The following CYP4F22 variants were observed in gnomAD, a reference collection of about 807,000 sequenced individuals.
CYP4F22 encodes cytochrome P450 family 4 subfamily F member 22.
CYP4F22 carries 37 observed loss-of-function variants against 60.4 expected under a neutral mutation model. That is an observed-to-expected ratio of 0.61 (90% CI 0.47 to 0.81). The LOEUF is 0.81. Among genes scored for constraint, CYP4F22 ranks in the 30% least tolerant of loss-of-function variants. The probability of loss-of-function intolerance (pLI) is 0.00; values close to 1 mark genes in which losing one functional copy is unlikely to be tolerated. For synonymous variants in CYP4F22, 258 were observed against 280.5 expected, an observed-to-expected ratio of 0.92 and a Z score of 0.80; for missense variants, 655 against 715.0, an observed-to-expected ratio of 0.92 and a Z score of 0.96.
At chr19:15,539,702 A>G (rs1254308734) in intron 7 of CYP4F22, among the ~76,000 whole-genome samples, 1 of 152,202 alleles carries the variant, frequency 6.6e-6, no homozygotes, top group African/African-American at 2.4e-5. Context: ...GTTTTTCCAC[A>G]TACTCACTAA....
chr19:15,547,018 G>GTTTTGTTTTTTTTTTTTT (rs1555730099), intron 10 of CYP4F22, among the ~76,000 whole-genome samples: 4 of 82,312 alleles, frequency 4.9e-5, no homozygotes, highest in African/African-American at 2.3e-4. Flanking sequence ...GCCTGCACCA[G>GTTTTGTTTTTTTTTTTTT]TTTTTTTTTT....
chr19:15,532,679 GTC>G (rs200963303), intron 4 of CYP4F22, among the ~76,000 whole-genome samples: 2,498 of 151,590 alleles, frequency 0.016, 34 homozygotes, highest in African/African-American at 0.032. Flanking sequence ...ACAGCGCCTG[GTC>G]TCTCTTTTTT....
intron 1 of CYP4F22, among the ~76,000 whole-genome samples, chr19:15,522,005 C>A (rs1333542304): frequency 5.3e-5 from 8 of 152,006 alleles, no homozygotes; most frequent in Non-Finnish European, 1.2e-4. Context: ...ATTAGCCCAG[C>A]ATGGTGGCGG....
Position 15,509,904 on chromosome 19 carries a change from C to CTTTCTTTCTTT in CYP4F22, c.-109+1321_-109+1322insTTTCTTTCTTT, listed in dbSNP as rs1555725971. ...TCCTTCCTTCCTTCCTTCCTTCCTTCCTTTCTTTCTTTCCTTCCTTCTTTC... is the reference window on the plus strand; with the variant it reads ...TCCTTCCTTCCTTCCTTCCTTCCTTCTTTCTTTCTTTCTTTCTTTCTTTCCTTCCTTCTTTC... On this transcript the variant is annotated intron_variant, in intron 1 of 13. Transcript: ENST00000269703. 4.2e-3 allele frequency among the ~76,000 whole-genome samples: 361 copies of CTTTCTTTCTTT among 86,752 alleles called. 5 individuals are homozygous for CTTTCTTTCTTT. The highest frequency in any genetic ancestry group is 0.012 in the Middle Eastern group (2 of 162). The allele number at this position is 86,752 out of a possible 152,430, so 56.9% of individuals were successfully genotyped here.
intron 1 of CYP4F22, among the ~76,000 whole-genome samples, chr19:15,520,354 A>C (rs1194294229): frequency 6.7e-6 from 1 of 149,752 alleles, no homozygotes; most frequent in Non-Finnish European, 1.5e-5. Flanking sequence ...TCAAAAAAAA[A>C]AAAAAAACAA....
At chr19:15,523,174 G>T (rs1334975938) in intron 1 of CYP4F22, among the ~76,000 whole-genome samples, 1 of 148,468 alleles carries the variant, frequency 6.7e-6, no homozygotes, top group Non-Finnish European at 1.5e-5. Context: ...GGCCAACATG[G>T]TGAAACCCCG....
intron 1 of CYP4F22, among the ~76,000 whole-genome samples, chr19:15,514,470 G>A (rs1490274062): frequency 6.6e-6 from 1 of 152,076 alleles, no homozygotes; most frequent in East Asian, 1.9e-4. Flanking sequence ...GGTGGATCAC[G>A]AGGTCAGGAG....
intron 4 of CYP4F22, among the ~76,000 whole-genome samples, chr19:15,537,152 T>G (rs747756339): frequency 2.6e-5 from 4 of 151,940 alleles, no homozygotes; most frequent in Non-Finnish European, 5.9e-5. Context: ...TACAAACAAA[T>G]TAGCCGGGCA....
intron 1 of CYP4F22, among the ~76,000 whole-genome samples, chr19:15,509,905 CTTTCTTTCT>C (rs1568350836): frequency 1.2e-5 from 1 of 85,400 alleles, no homozygotes; most frequent in Admixed American, 1.3e-4. Context: ...TCCTTCCTTC[CTTTCTTTCT>C]TTCCTTCCTT....
chr19:15,519,726 C>T (rs1216107752), intron 1 of CYP4F22, among the ~76,000 whole-genome samples: 1 of 152,100 alleles, frequency 6.6e-6, no homozygotes, highest in Non-Finnish European at 1.5e-5. Flanking sequence ...TGGGACTGAA[C>T]TGCAGCCAGG....
At chr19:15,541,997 G>A (rs1029838780) in intron 8 of CYP4F22, among the ~76,000 whole-genome samples, 2 of 152,086 alleles carry the variant, frequency 1.3e-5, no homozygotes, top group Admixed American at 1.3e-4. Flanking sequence ...TCCAGTCCTG[G>A]CTCTGTCGCT....
intron 10 of CYP4F22, among the ~76,000 whole-genome samples, chr19:15,545,667 A>AAAAAG (rs1396510999): frequency 9.9e-5 from 5 of 50,396 alleles, no homozygotes; most frequent in Admixed American, 1.7e-4. Context: ...AAAAAAAAAA[A>AAAAAG]AAAAGAAAAG....
chr19:15,510,962 A>AT lies in CYP4F22; in HGVS notation c.-109+2380dup, dbSNP rs1386770988. The stretch of plus-strand genomic sequence containing the variant: ...AGGGATACCATATATATATATATAT[A>AT]TATATTTTTTTTTTTTTTTTTGAGA... On this transcript the variant is annotated intron_variant, in intron 1 of 13. Transcript: ENST00000269703. Among the ~76,000 whole-genome samples, 414 of 114,518 alleles carry AT rather than the reference A, an allele frequency of 3.6e-3. 7 individuals carry two copies. Among genetic ancestry groups the AT allele is most frequent in the African/African-American group, 0.016 (397 of 24,788 alleles). The allele number at this position is 114,518 out of a possible 152,430, so 75.1% of individuals were successfully genotyped here. A position where few individuals can be genotyped will look rare whatever the true frequency, so the allele number is the denominator to read the frequency against.
intron 4 of CYP4F22, among the ~76,000 whole-genome samples, chr19:15,535,810 T>G (rs904446799): frequency 6.6e-6 from 1 of 152,230 alleles, no homozygotes; most frequent in African/African-American, 2.4e-5. Context: ...ATTGACTTAT[T>G]TATTCATTTA....
chr19:15,551,208 G>T, intron 13 of CYP4F22, 86 bp from the exon 14 acceptor site: 1 of 1,531,036 alleles, frequency 6.5e-7, no homozygotes, highest in African/African-American at 1.4e-5. Context: ...CAGGATGCTT[G>T]CTTCATTTTC....
intron 12 of CYP4F22, among the ~76,000 whole-genome samples, chr19:15,550,211 G>T (rs988058164): frequency 6.6e-6 from 1 of 151,998 alleles, no homozygotes; most frequent in Non-Finnish European, 1.5e-5. Flanking sequence ...GATTACAAGC[G>T]TGAGCCACCG....
At chr19:15,529,996 G>A (rs1364544224) in intron 4 of CYP4F22, 143 bp downstream of exon 4, 6 of 1,193,926 alleles carry the variant, frequency 5.0e-6, no homozygotes, top group South Asian at 1.3e-5. Flanking sequence ...AAGCAAGCAT[G>A]GCAATCCAGA....
At chr19:15,510,501 G>A (rs549107875) in intron 1 of CYP4F22, among the ~76,000 whole-genome samples, 2 of 152,260 alleles carry the variant, frequency 1.3e-5, no homozygotes, top group South Asian at 2.1e-4. Flanking sequence ...ACACTCACCC[G>A]AGGTCGCACA....
chr19:15,552,234 G>A lies in CYP4F22; in HGVS notation c.*763G>A, dbSNP rs1218132146. The stretch of plus-strand genomic sequence containing the variant: ...CGTGGAGCCCCCAGCATGGGAATGA[G>A]GGGCTCTGCAACTGAGCGAAGCTGC... On this transcript the variant is annotated 3_prime_UTR_variant, in exon 14 of 14. Transcript: ENST00000269703. 6.6e-6 allele frequency: 1 copy of A among 152,254 alleles called. No homozygotes were observed. Among genetic ancestry groups the A allele is most frequent in the Non-Finnish European group, 1.5e-5 (1 of 68,058 alleles). The allele number at this position is 152,254 out of a possible 1,614,324, so 9.4% of individuals were successfully genotyped here. A position where few individuals can be genotyped will look rare whatever the true frequency, so the allele number is the denominator to read the frequency against.
Sources: allele counts gnomAD v4.1 joint callset (sites outside exome capture counted in the v4.1 genomes callset), GRCh38; gene constraint gnomAD v4.1.1; transcripts MANE v1.5; gene names NCBI Gene and HGNC (gene_info 2026-07-23, HGNC 2026-07-21).